The following KDM1A variants were observed in gnomAD, a reference collection of about 807,000 sequenced individuals.
KDM1A encodes lysine demethylase 1A, also known as lysine-specific histone demethylase 1A.
KDM1A carries 49 observed loss-of-function variants against 109.4 expected under a neutral mutation model. The ratio of observed to expected loss-of-function variants is 0.45; its 90% CI spans 0.36 to 0.57. The LOEUF is 0.57. Ranked by LOEUF, KDM1A falls within the 20% of genes least tolerant of loss-of-function variation. The pLI, the probability that KDM1A is intolerant of heterozygous loss-of-function variation, is 0.00. For missense variants in KDM1A, 668 were observed against 1,116.6 expected (o/e 0.60, Z 5.73); for synonymous variants, 380 against 415.4 (o/e 0.91, Z 1.04).
chr1:23,082,187 C>G (rs138383683), intron 19 of KDM1A, 33 bp from the exon 20 acceptor site: 8 of 1,608,566 alleles, frequency 5.0e-6, no homozygotes, highest in Non-Finnish European at 6.8e-6. Context: ...CTTGGTGTCT[C>G]GTAATGACTT....
chr1:23,024,578 T>G (rs1283709842), intron 1 of KDM1A, among the ~76,000 whole-genome samples: 2 of 152,246 alleles, frequency 1.3e-5, no homozygotes, highest in African/African-American at 4.8e-5. Context: ...TTCATTAGTT[T>G]CAGAATAAAT....
chr1:23,039,337 G>A (rs201819335), intron 2 of KDM1A, among the ~76,000 whole-genome samples: 1 of 151,922 alleles, frequency 6.6e-6, no homozygotes, highest in Non-Finnish European at 1.5e-5. Flanking sequence ...TCATTTTTTA[G>A]GCCTTACCCA....
intron 3 of KDM1A, among the ~76,000 whole-genome samples, chr1:23,044,969 T>G (rs978100893): frequency 7.2e-5 from 11 of 152,238 alleles, no homozygotes; most frequent in Non-Finnish European, 1.3e-4. Context: ...GTACCTTTTT[T>G]CAGTTAACAT....
At chr1:23,038,806 C>A (rs1642225135) in intron 2 of KDM1A, among the ~76,000 whole-genome samples, 1 of 152,122 alleles carries the variant, frequency 6.6e-6, no homozygotes, top group South Asian at 2.1e-4. Flanking sequence ...AACAATTTTT[C>A]TTTTTTTCTA....
At chr1:23,046,684 A>G (rs1159914173) in intron 3 of KDM1A, among the ~76,000 whole-genome samples, 1 of 152,158 alleles carries the variant, frequency 6.6e-6, no homozygotes, top group African/African-American at 2.4e-5. Flanking sequence ...TATTCCTTCA[A>G]ATATTTAACT....
chr1:23,060,959 A>G (rs1271585599), intron 9 of KDM1A, among the ~76,000 whole-genome samples: 1 of 152,228 alleles, frequency 6.6e-6, no homozygotes, highest in Non-Finnish European at 1.5e-5. Context: ...GTAAAGATTA[A>G]TCACTGATCA....
chr1:23,039,738 A>AG (rs1467425602), intron 2 of KDM1A, among the ~76,000 whole-genome samples: 1 of 152,210 alleles, frequency 6.6e-6, no homozygotes, highest in Non-Finnish European at 1.5e-5. Flanking sequence ...CAGTCTATCC[A>AG]GATCTCTCGG....
chr1:23,076,790 C>T lies in KDM1A; in HGVS notation c.1735-438C>T, dbSNP rs576319350. 4.6e-5 allele frequency among the ~76,000 whole-genome samples: 7 copies of T among 151,660 alleles called. No individual in the cohort carries two copies. The East Asian group carries it at 7.7e-4, about 17-fold the overall frequency. On this transcript the variant is annotated intron_variant, in intron 15 of 20. Transcript: ENST00000400181. ...CAGCCTAGCCAACGTGGTGAAACCC[C>T]GTCTCTACTAAAAATACAAAAACTA...
chr1:23,080,444 T>C (rs1042463407), intron 18 of KDM1A, among the ~76,000 whole-genome samples: 2 of 152,220 alleles, frequency 1.3e-5, no homozygotes, highest in Admixed American at 6.5e-5. Flanking sequence ...TCCAAGCCAT[T>C]CTTACCTGTT....
In KDM1A at chr1:23,078,982, C is replaced by G; in HGVS notation, c.1868-8C>G. ...CACCACTAGTCTTTTCCCACCCAAC[C>G]TCTGCAGGATGTGAAGTGATAGCTG... On this transcript the variant is annotated splice_region_variant and splice_polypyrimidine_tract_variant and intron_variant, in intron 16 of 20. Coordinates refer to ENST00000400181, the MANE Select transcript of KDM1A (RefSeq NM_001009999.3). 6.2e-7 allele frequency: 1 copy of G among 1,610,800 alleles called. No homozygotes were observed. Among genetic ancestry groups the G allele is most frequent in the South Asian group, 1.1e-5 (1 of 90,724 alleles).
intron 1 of KDM1A, among the ~76,000 whole-genome samples, chr1:23,026,995 ATTCT>A (rs1386549546): frequency 1.3e-5 from 2 of 152,062 alleles, no homozygotes; most frequent in African/African-American, 4.8e-5. Flanking sequence ...AGTTTGTATG[ATTCT>A]TTCAGATGGT....
chr1:23,042,121 C>T (rs1642354600), intron 2 of KDM1A, among the ~76,000 whole-genome samples: 1 of 152,106 alleles, frequency 6.6e-6, no homozygotes, highest in Admixed American at 6.5e-5. Context: ...GTAATTCAGG[C>T]TTAGGCTAGC....
Position 23,082,331 on chromosome 1 carries a change from A to G in KDM1A, c.2410A>G (p.Ile804Val), listed in dbSNP as rs773927280. Residue 804 changes from isoleucine (I) to valine (V), a missense_variant, in exon 20 of 21, where the codon ATC becomes GTC. By Grantham distance (29) the Ile-to-Val change is conservative (BLOSUM62 3). Transcript: ENST00000400181. ...GNDYDLMAQP[I>V]TPGPSIPGAP... is the part of the protein sequence containing the mutation. The stretch of plus-strand genomic sequence containing the variant: ...TGACTATGATTTAATGGCTCAGCCA[A>G]TCACTCCTGGCCCCTCGATTCCAGG... 1.4e-5 allele frequency: 23 copies of G among 1,613,770 alleles called. No homozygotes were observed. Among genetic ancestry groups the G allele is most frequent in the South Asian group, 8.8e-5 (8 of 91,062 alleles).
At chr1:23,064,446 T>C (rs2124496256) in intron 9 of KDM1A, among the ~76,000 whole-genome samples, 1 of 152,354 alleles carries the variant, frequency 6.6e-6, no homozygotes, top group South Asian at 2.1e-4. Flanking sequence ...CATTACTGCC[T>C]TTTTCTGATT....
At chr1:23,042,375 G>T (rs2124421591) in intron 2 of KDM1A, among the ~76,000 whole-genome samples, 1 of 145,212 alleles carries the variant, frequency 6.9e-6, no homozygotes, top group Admixed American at 6.8e-5. Flanking sequence ...TTCTGATCCA[G>T]CTTGGTTTTA....
At chr1:23,067,460 C>G (rs1362256591) in intron 10 of KDM1A, among the ~76,000 whole-genome samples, 1 of 152,154 alleles carries the variant, frequency 6.6e-6, no homozygotes, top group Non-Finnish European at 1.5e-5. Context: ...TGTGGAGTTT[C>G]AAATGAGAGG....
Position 23,079,765 on chromosome 1 carries a change from C to T in KDM1A, c.2170+98C>T. The T allele has an allele frequency of 2.3e-5, 15 of 665,576 alleles. No individual in the cohort carries two copies. The South Asian group carries it at 3.2e-4, about 14-fold the overall frequency. 41.2% of individuals were successfully genotyped at this position (665,576 alleles called of 1,614,324 possible). A position where few individuals can be genotyped will look rare whatever the true frequency, so the allele number is the denominator to read the frequency against. ...TCAATATATATGCCTTAATTTCTCT[C>T]TTTATTAACTCAACAAACAATTCCT... On this transcript the variant is annotated intron_variant, in intron 18 of 20. Transcript: ENST00000400181. This position sits in a 1 kb window ranked among gnomAD's most constrained non-coding sequence, Gnocchi z 5.6.
In KDM1A at chr1:23,082,342, C is replaced by T; in HGVS notation, c.2421C>T (p.Gly807=). The T allele has an allele frequency of 6.2e-7, 1 of 1,613,626 alleles. No individual in the cohort carries two copies. The highest frequency in any genetic ancestry group is 8.5e-7 in the Non-Finnish European group (1 of 1,179,780). ...TAATGGCTCAGCCAATCACTCCTGG[C>T]CCCTCGATTCCAGGTGCCCCACAGG... ...YDLMAQPITP[G]PSIPGAPQPI... The change falls in exon 20 of 21, where the codon GGC becomes GGT. Residue 807 remains glycine, a synonymous_variant. Coordinates refer to ENST00000400181, the MANE Select transcript of KDM1A (RefSeq NM_001009999.3).
At chr1:23,059,465 G>A (rs1260768389) in intron 9 of KDM1A, 3 of 396,700 alleles carry the variant, frequency 7.6e-6, no homozygotes, top group African/African-American at 4.2e-5. Flanking sequence ...TTACTCCAAG[G>A]GACTTATGGA....
Sources: gnomAD v4.1 joint callset for allele counts (sites outside exome capture counted in the v4.1 genomes callset) on GRCh38, gnomAD v4.1.1 for gene constraint, Gnocchi (gnomAD v3.1) non-coding constraint, MANE v1.5 for transcripts, NCBI Gene and HGNC (gene_info 2026-07-23, HGNC 2026-07-21) for gene names.